KLF12: variants seen among roughly 807,000 people sequenced by gnomAD.
KLF12 encodes the protein KLF transcription factor 12.
Under a neutral mutation model 37.8 loss-of-function variants are expected in KLF12, and 9 were observed. That is an observed-to-expected ratio of 0.24 (90% CI 0.14 to 0.42). The LOEUF is 0.42. KLF12 is among the 10% of genes least tolerant of loss of function. The pLI, the probability that KLF12 is intolerant of heterozygous loss-of-function variation, is 1.00. For synonymous variants in KLF12, 208 were observed against 202.1 expected (o/e 1.03, Z -0.25); for missense variants, 411 against 516.0 (o/e 0.80, Z 1.97).
At chr13:74,034,512 T>C (rs1893196579) in intron 1 of KLF12, among the ~76,000 whole-genome samples, 1 of 152,376 alleles carries the variant, frequency 6.6e-6, no homozygotes, top group South Asian at 2.1e-4. Flanking sequence ...TTTACCACTT[T>C]ATAGTTCGCC....
At position 74,046,469 on chromosome 13, in the gene KLF12, AC is replaced by A. The variant is rs1893546178; in HGVS notation, c.-31-51417del. 4.6e-5 allele frequency among the ~76,000 whole-genome samples: 7 copies of A among 151,892 alleles called. No individual in the cohort carries two copies. The South Asian group carries it at 1.5e-3, about 32-fold the overall frequency. ...AATATTATAGGCTTTCATTTTTTTC[AC>A]TTTTTTGAAAAAGGAAAGCATTCCA... On this transcript the variant is annotated intron_variant, in intron 1 of 7. Transcript: ENST00000377669.
rs560503956 is a variant in KLF12 at position 73,891,435 on chromosome 13, A to G, written c.124-45062T>C. Among the ~76,000 whole-genome samples, 25 of 152,270 alleles carry G rather than the reference A, an allele frequency of 1.6e-4. No homozygotes were observed. In the South Asian group the frequency reaches 2.9e-3, roughly 18 times the overall value. ...ATTAACATTGGGACAAATGAAGGTCACTATTCAGTGTTTTAATATTGATAT... is the reference window on the plus strand; with the variant it reads ...ATTAACATTGGGACAAATGAAGGTCGCTATTCAGTGTTTTAATATTGATAT... On this transcript the variant is annotated intron_variant, in intron 3 of 7. Coordinates refer to ENST00000377669, the MANE Select transcript of KLF12 (RefSeq NM_007249.5).
intron 3 of KLF12, among the ~76,000 whole-genome samples, chr13:73,870,094 A>G (rs1312217493): frequency 2.6e-5 from 4 of 152,156 alleles, no homozygotes; most frequent in African/African-American, 9.7e-5. Flanking sequence ...TCACCTCTCC[A>G]TTCTATATCT....
At chr13:74,034,232 T>C (rs959187447) in intron 1 of KLF12, among the ~76,000 whole-genome samples, 7 of 146,482 alleles carry the variant, frequency 4.8e-5, no homozygotes, top group Non-Finnish European at 9.0e-5. Flanking sequence ...CTGGCGAATT[T>C]TTTGTATTTT....
At position 73,715,506 on chromosome 13, in the gene KLF12, T is replaced by C. The variant is rs768858509; in HGVS notation, c.889A>G (p.Ile297Val). ...CGTCTCTGGCGTCTTGTGCTCTCAA[T>C]ACTAAATGGTGAAATTGAACTGGAA... Residue 297 changes from isoleucine to valine, a missense_variant, in exon 7 of 8, where the codon ATT becomes GTT. Ile to Val is a conservative substitution (Grantham distance 29). Around this residue, in one of 2 missense-constraint regions of KLF12, gnomAD observed 351 missense variants for 397.8 expected, o/e 0.88. Transcript: ENST00000377669. 6.2e-7 allele frequency: 1 copy of C among 1,613,544 alleles called. No individual in the cohort carries two copies. The highest frequency in any genetic ancestry group is 2.2e-5 in the East Asian group (1 of 44,888).
intron 1 of KLF12, among the ~76,000 whole-genome samples, chr13:74,112,470 T>A (rs563993395): frequency 6.6e-6 from 1 of 151,898 alleles, no homozygotes; most frequent in Admixed American, 6.6e-5. Context: ...CAATGTTGAG[T>A]CGAGCATGTC....
chr13:74,172,479 A>C, the KLF12 span, among the ~76,000 whole-genome samples: 1 of 152,314 alleles, frequency 6.6e-6, no homozygotes, highest in Non-Finnish European at 1.5e-5. Flanking sequence ...ATTGTAGCTG[A>C]AGTTTGCCCC....
chr13:74,104,099 T>C (rs180799857), intron 1 of KLF12, among the ~76,000 whole-genome samples: 104 of 152,278 alleles, frequency 6.8e-4, no homozygotes, highest in African/African-American at 2.3e-3. Flanking sequence ...CATGCAACAA[T>C]AGAGAAGCAT....
the KLF12 span, among the ~76,000 whole-genome samples, chr13:74,159,249 G>A: frequency 6.6e-4 from 100 of 152,194 alleles, no homozygotes; most frequent in African/African-American, 2.4e-3. Context: ...TTCAGAAAAG[G>A]GTGCACCCTT....
chr13:73,912,106 T>G (rs1360674262), intron 3 of KLF12, among the ~76,000 whole-genome samples: 1 of 152,230 alleles, frequency 6.6e-6, no homozygotes, highest in Admixed American at 6.5e-5. Flanking sequence ...CCATTGTTTA[T>G]TTAATGAGGG....
chr13:74,230,695 C>A, the KLF12 span, among the ~76,000 whole-genome samples: 1 of 152,170 alleles, frequency 6.6e-6, no homozygotes, highest in Admixed American at 6.5e-5. Context: ...AGGCACCACA[C>A]CCTTGTTGGG....
intron 1 of KLF12, among the ~76,000 whole-genome samples, chr13:74,098,832 A>G (rs927935475): frequency 6.6e-6 from 1 of 152,220 alleles, no homozygotes; most frequent in Non-Finnish European, 1.5e-5. Flanking sequence ...ACCATTATTA[A>G]GCAATTACAT....
At position 73,687,859 on chromosome 13, in the gene KLF12, A is replaced by T. The variant is rs1484713279; in HGVS notation, c.*7631T>A. 6.6e-6 allele frequency: 1 copy of T among 152,188 alleles called. No individual in the cohort carries two copies. Among genetic ancestry groups the T allele is most frequent in the African/African-American group, 2.4e-5 (1 of 41,452 alleles). The allele number at this position is 152,188 out of a possible 1,614,324, so 9.4% of individuals were successfully genotyped here. A position where few individuals can be genotyped will look rare whatever the true frequency, so the allele number is the denominator to read the frequency against. On this transcript the variant is annotated 3_prime_UTR_variant, in exon 8 of 8. Coordinates refer to ENST00000377669, the MANE Select transcript of KLF12 (RefSeq NM_007249.5). ...AAACACTTCAAATTTCTAGAGATGA[A>T]ATCCAGAAAGAAAAAGTACTGAGGC...
chr13:73,999,739 C>G (rs376860237), intron 1 of KLF12, among the ~76,000 whole-genome samples: 1 of 145,712 alleles, frequency 6.9e-6, no homozygotes, highest in Non-Finnish European at 1.5e-5. Flanking sequence ...GACTCCATCT[C>G]AAAAAAACAA....
Position 73,697,281 on chromosome 13 carries a change from A to G in KLF12, c.1028-1610T>C, listed in dbSNP as rs185970197. Among the ~76,000 whole-genome samples, 343 of 152,332 alleles carry G rather than the reference A, an allele frequency of 2.3e-3. 4 individuals are homozygous for G. The highest frequency in any genetic ancestry group is 8.0e-3 in the African/African-American group (333 of 41,574). On this transcript the variant is annotated intron_variant, in intron 7 of 7. Transcript: ENST00000377669. ...TCTTACAGGATCAAGCAGCCCTTTCAGAAGAGAGTGAATAGTTCAGGCCTG... is the reference window on the plus strand; with the variant it reads ...TCTTACAGGATCAAGCAGCCCTTTCGGAAGAGAGTGAATAGTTCAGGCCTG...
Position 73,738,297 on chromosome 13 carries a change from A to G in KLF12, c.870-22772T>C, listed in dbSNP as rs183097411. Among the ~76,000 whole-genome samples the G allele has an allele frequency of 1.7e-3, 214 of 127,226 alleles. 1 individual carries two copies. The highest frequency in any genetic ancestry group is 5.3e-3 in the African/African-American group (195 of 36,994). The allele number at this position is 127,226 out of a possible 152,430, so 83.5% of individuals were successfully genotyped here. On this transcript the variant is annotated intron_variant, in intron 6 of 7. Coordinates refer to ENST00000377669, the MANE Select transcript of KLF12 (RefSeq NM_007249.5). Reference sequence around the variant, plus strand: ...GTAGCTGGGATTACAGGTGCCCACCACCACGCCTGGCTAATTTTTTTTTTT... The same window carrying G: ...GTAGCTGGGATTACAGGTGCCCACCGCCACGCCTGGCTAATTTTTTTTTTT...
the KLF12 span, among the ~76,000 whole-genome samples, chr13:74,191,854 G>A: frequency 1.3e-4 from 19 of 151,818 alleles, no homozygotes; most frequent in African/African-American, 1.9e-4. Context: ...GTAAATATAC[G>A]TATATATTTA....
chr13:73,713,490 G>A (rs1875563765), intron 7 of KLF12, among the ~76,000 whole-genome samples: 1 of 152,202 alleles, frequency 6.6e-6, no homozygotes, highest in Non-Finnish European at 1.5e-5. Context: ...GCACAGCAGT[G>A]ACTTGCTCTC....
At chr13:74,000,160 C>A (rs1228458208) in intron 1 of KLF12, among the ~76,000 whole-genome samples, 2 of 152,080 alleles carry the variant, frequency 1.3e-5, no homozygotes, top group Admixed American at 6.6e-5. Flanking sequence ...CTATTTCTAC[C>A]CCCCTACATT....
Sources: gnomAD v4.1 joint callset for allele counts (sites outside exome capture counted in the v4.1 genomes callset) on GRCh38, gnomAD v4.1.1 for gene constraint, gnomAD v4.1.1 regional missense constraint, MANE v1.5 for transcripts, NCBI Gene and HGNC (gene_info 2026-07-23, HGNC 2026-07-21) for gene names.